PTPRD: variants seen among roughly 807,000 people sequenced by gnomAD.
PTPRD encodes protein tyrosine phosphatase receptor type D, also known as receptor-type tyrosine-protein phosphatase delta.
PTPRD carries 34 observed loss-of-function variants against 214.5 expected under a neutral mutation model. The observed-to-expected ratio is 0.16, with a 90% CI of 0.12 to 0.21. The LOEUF (loss-of-function observed/expected upper bound fraction) is 0.21. PTPRD is among the 10% of genes least tolerant of loss of function. The pLI, the probability that PTPRD is intolerant of heterozygous loss-of-function variation, is 1.00. For synonymous variants in PTPRD, 1,128 were observed against 845.7 expected (o/e 1.33, Z -5.79); for missense variants, 2,545 against 2,398.7 (o/e 1.06, Z -1.27).
At chr9:8,519,331 C>A (rs1240088108) in intron 20 of PTPRD, among the ~76,000 whole-genome samples, 1 of 152,048 alleles carries the variant, frequency 6.6e-6, no homozygotes, top group East Asian at 1.9e-4. Flanking sequence ...CAGAAGAATA[C>A]AAATCAAAAT....
At chr9:9,202,645 C>T (rs2099942559) in intron 9 of PTPRD, among the ~76,000 whole-genome samples, 1 of 152,106 alleles carries the variant, frequency 6.6e-6, no homozygotes, top group Admixed American at 6.6e-5. Flanking sequence ...AAACTTCTGT[C>T]TTGCAGTTGT....
chr9:8,655,263 T>C (rs1364566468), intron 12 of PTPRD, among the ~76,000 whole-genome samples: 1 of 152,166 alleles, frequency 6.6e-6, no homozygotes, highest in Non-Finnish European at 1.5e-5. Flanking sequence ...AATCAACAAA[T>C]ACAACTTCTG....
At chr9:9,828,307 T>C (rs1022722845) in intron 5 of PTPRD, among the ~76,000 whole-genome samples, 3 of 152,248 alleles carry the variant, frequency 2.0e-5, no homozygotes, top group East Asian at 3.9e-4. Context: ...ATATACATCA[T>C]GGAATACTAT....
chr9:8,888,616 A>G (rs1243216083), intron 11 of PTPRD, among the ~76,000 whole-genome samples: 1 of 152,190 alleles, frequency 6.6e-6, no homozygotes, highest in Non-Finnish European at 1.5e-5. Context: ...CACTCTTCCA[A>G]GATTAAGTGC....
intron 11 of PTPRD, among the ~76,000 whole-genome samples, chr9:8,967,600 G>A (rs184067474): frequency 6.8e-6 from 1 of 147,504 alleles, no homozygotes; most frequent in East Asian, 2.0e-4. Context: ...AACTAAGAAC[G>A]TGGTATCAAA....
intron 14 of PTPRD, among the ~76,000 whole-genome samples, chr9:8,541,184 A>G (rs1180018670): frequency 1.3e-5 from 2 of 152,158 alleles, no homozygotes; most frequent in Non-Finnish European, 2.9e-5. Flanking sequence ...ATATGGCAAA[A>G]TTCAGCCTGA....
At chr9:9,997,285 A>ATTTT (rs60029845) in intron 4 of PTPRD, among the ~76,000 whole-genome samples, 28 of 143,342 alleles carry the variant, frequency 2.0e-4, no homozygotes, top group African/African-American at 6.4e-4. Context: ...AAGATAAGCA[A>ATTTT]TTTTTTTTTT....
rs907284135 is a variant in PTPRD, at chr9:10,504,143, A to G, written c.-600+108255T>C. ...AAAAAAAAAAAAAAAAAAAAAAAAG[A>G]TGTACGGGGAAAGTGTCATTGAATG... is the stretch of plus-strand genomic sequence containing the variant. On this transcript the variant is annotated intron_variant, in intron 2 of 45. Coordinates refer to ENST00000381196, the MANE Select transcript of PTPRD (RefSeq NM_002839.4). Among the ~76,000 whole-genome samples, 57 of 143,348 alleles carry G rather than the reference A, an allele frequency of 4.0e-4. 1 individual carries two copies. Among genetic ancestry groups the G allele is most frequent in the African/African-American group, 1.4e-3 (52 of 38,318 alleles). The allele number at this position is 143,348 out of a possible 152,430, so 94.0% of individuals were successfully genotyped here.
At chr9:8,742,112 G>C (rs2092074281) in intron 11 of PTPRD, among the ~76,000 whole-genome samples, 1 of 151,992 alleles carries the variant, frequency 6.6e-6, no homozygotes, top group South Asian at 2.1e-4. Flanking sequence ...CAAGCTATAA[G>C]ACATTAGTTA....
At chr9:9,920,332 A>C (rs2082209175) in intron 5 of PTPRD, among the ~76,000 whole-genome samples, 1 of 152,102 alleles carries the variant, frequency 6.6e-6, no homozygotes, top group Non-Finnish European at 1.5e-5. Flanking sequence ...AAAGTTCAAA[A>C]TTACTGCTAA....
At chr9:10,568,007 G>C (rs1241883555) in intron 2 of PTPRD, among the ~76,000 whole-genome samples, 1 of 150,498 alleles carries the variant, frequency 6.6e-6, no homozygotes, top group African/African-American at 2.5e-5. Context: ...GGGTACACTT[G>C]CACAACGTGC....
intron 2 of PTPRD, among the ~76,000 whole-genome samples, chr9:10,474,015 C>T (rs943423155): frequency 2.6e-5 from 4 of 152,062 alleles, no homozygotes; most frequent in African/African-American, 9.7e-5. Flanking sequence ...AAACCAGTAC[C>T]AGTCACTGCA....
At chr9:9,929,533 A>G (rs1350185388) in intron 5 of PTPRD, among the ~76,000 whole-genome samples, 1 of 152,170 alleles carries the variant, frequency 6.6e-6, no homozygotes, top group Non-Finnish European at 1.5e-5. Flanking sequence ...AGCTGGGACT[A>G]CAGGCATGTG....
rs374495923 is a variant in PTPRD at position 8,953,051 on chromosome 9, C to G, written c.-104+65646G>C. Among the ~76,000 whole-genome samples, 4 of 151,544 alleles carry G rather than the reference C, an allele frequency of 2.6e-5. No homozygotes were observed. In the East Asian group the frequency reaches 5.8e-4, roughly 22 times the overall value. On this transcript the variant is annotated intron_variant, in intron 11 of 45. Coordinates refer to ENST00000381196, the MANE Select transcript of PTPRD (RefSeq NM_002839.4). Reference sequence around the variant, plus strand: ...CCAACAATTTTATAATATAAAGCAACGAATTATATTTTAGAATAGTTTTTT... The same window carrying G: ...CCAACAATTTTATAATATAAAGCAAGGAATTATATTTTAGAATAGTTTTTT...
intron 5 of PTPRD, among the ~76,000 whole-genome samples, chr9:9,809,210 T>G (rs975719317): frequency 2.6e-5 from 4 of 151,934 alleles, no homozygotes; most frequent in Non-Finnish European, 5.9e-5. Flanking sequence ...CTGTCTATTG[T>G]CAGTTCATTT....
At chr9:9,717,864 G>T (rs147037379) in intron 7 of PTPRD, among the ~76,000 whole-genome samples, 70 of 151,766 alleles carry the variant, frequency 4.6e-4, no homozygotes, top group Admixed American at 3.2e-3. Flanking sequence ...AACACTTAGG[G>T]CAAAAAATAT....
intron 9 of PTPRD, among the ~76,000 whole-genome samples, chr9:9,253,900 T>A (rs182594120): frequency 6.6e-6 from 1 of 152,206 alleles, no homozygotes; most frequent in East Asian, 1.9e-4. Context: ...TGCAGAGGGC[T>A]TGGGGAGAGT....
At chr9:8,929,202 C>T (rs573577132) in intron 11 of PTPRD, among the ~76,000 whole-genome samples, 1 of 152,226 alleles carries the variant, frequency 6.6e-6, no homozygotes, top group South Asian at 2.1e-4. Context: ...CCTGATTGCC[C>T]TGGCCAGAAC....
At chr9:9,408,276 G>A (rs1587551051) in intron 8 of PTPRD, among the ~76,000 whole-genome samples, 1 of 151,730 alleles carries the variant, frequency 6.6e-6, no homozygotes, top group East Asian at 1.9e-4. Flanking sequence ...TGAATCAGCT[G>A]GAAACTGCAC....
Sources: gnomAD v4.1 joint callset for allele counts (sites outside exome capture counted in the v4.1 genomes callset) on GRCh38, gnomAD v4.1.1 for gene constraint, MANE v1.5 for transcripts, NCBI Gene and HGNC (gene_info 2026-07-23, HGNC 2026-07-21) for gene names.